Variants in ITGAD observed in about 807,000 individuals in gnomAD.
ITGAD encodes integrin subunit alpha D, also known as integrin alpha-D.
In ITGAD, 105 loss-of-function variants were observed where a neutral mutation model predicts 139.0. The observed-to-expected ratio is 0.76, with a 90% CI of 0.65 to 0.89. The LOEUF is 0.89. Among genes scored for constraint, ITGAD ranks in the 40% least tolerant of loss-of-function variants. The pLI is 0.00. For synonymous variants in ITGAD, 569 were observed against 598.3 expected, an observed-to-expected ratio of 0.95 and a Z score of 0.71; for missense variants, 1,384 against 1,487.3, an observed-to-expected ratio of 0.93 and a Z score of 1.14.
intron 29 of ITGAD, 180 bp downstream of exon 29, chr16:31,424,757 C>T (rs1208143404): frequency 2.2e-6 from 1 of 459,066 alleles, no homozygotes; most frequent in African/African-American, 2.0e-5. Flanking sequence ...TGCACCATGC[C>T]CGGCTAGTTT....
At chr16:31,394,533 AAG>A (rs2081219296) in intron 2 of ITGAD, among the ~76,000 whole-genome samples, 192 bp downstream of exon 2, 1 of 152,134 alleles carries the variant, frequency 6.6e-6, no homozygotes, top group Non-Finnish European at 1.5e-5. Context: ...AACTCTAGAC[AAG>A]ACCCTACCTT....
intron 23 of ITGAD, among the ~76,000 whole-genome samples, chr16:31,421,143 C>A (rs1250479599): frequency 1.3e-5 from 2 of 152,106 alleles, no homozygotes; most frequent in Non-Finnish European, 1.5e-5. Flanking sequence ...CCTATTTTCA[C>A]CAACAAAGAC....
chr16:31,396,207 C>T (rs2472050), intron 2 of ITGAD, among the ~76,000 whole-genome samples: 28,161 of 152,196 alleles, frequency 0.19, 2,741 homozygotes, highest in South Asian at 0.4. Flanking sequence ...TGCAGTGGCT[C>T]ATGCCTATAA....
chr16:31,424,443 G>A, intron 28 of ITGAD, 24 bp from the exon 29 acceptor site: 1 of 1,584,800 alleles, frequency 6.3e-7, no homozygotes, highest in Non-Finnish European at 8.7e-7. Flanking sequence ...CATGAGGCCG[G>A]ATGCTCTCTG....
rs779318627 is a variant in ITGAD at position 31,423,828 on chromosome 16, C to G, written c.3046-17C>G. On this transcript the variant is annotated splice_polypyrimidine_tract_variant and intron_variant, in intron 26 of 29. Transcript: ENST00000389202. ...TCAGGGAAGAACCCCTCAGTTTCAC[C>G]CCTCTTCTGCCCCCAGGACTGCTCC... is the stretch of plus-strand genomic sequence containing the variant. 1 of 1,613,316 alleles carries G rather than the reference C, an allele frequency of 6.2e-7. No homozygotes were observed. Among genetic ancestry groups the G allele is most frequent in the Non-Finnish European group, 8.5e-7 (1 of 1,179,304 alleles).
At position 31,402,098 on chromosome 16, in the gene ITGAD, T is replaced by C. The variant is rs2081420718; in HGVS notation, c.428-17T>C. The C allele has an allele frequency of 6.2e-7, 1 of 1,610,960 alleles. No individual in the cohort carries two copies. Among genetic ancestry groups the C allele is most frequent in the African/African-American group, 1.3e-5 (1 of 74,870 alleles). ...GCCCCCGCAGTGCATCTCCGATTCC[T>C]CCCCATTCCCCCACAGAGTGTCCAC... On this transcript the variant is annotated splice_polypyrimidine_tract_variant and intron_variant, in intron 5 of 29. Coordinates refer to ENST00000389202, the MANE Select transcript of ITGAD (RefSeq NM_005353.3).
intron 14 of ITGAD, among the ~76,000 whole-genome samples, chr16:31,411,944 C>A (rs2081729337): frequency 6.6e-6 from 1 of 152,234 alleles, no homozygotes; most frequent in Admixed American, 6.5e-5. Context: ...GATGAATACA[C>A]AAATATATTA....
chr16:31,423,242 T>C (rs1409205830), intron 24 of ITGAD, 50 bp downstream of exon 24: 3 of 1,597,582 alleles, frequency 1.9e-6, no homozygotes, highest in African/African-American at 1.3e-5. Flanking sequence ...GTGGATAAAG[T>C]TGGAAGTTGG....
In ITGAD at chr16:31,418,557, A is replaced by T. The variant is rs1597156230; in HGVS notation, c.2773A>T (p.Ile925Phe). 1 of 1,613,914 alleles carries T rather than the reference A, an allele frequency of 6.2e-7. No individual in the cohort carries two copies. Among genetic ancestry groups the T allele is most frequent in the Admixed American group, 1.7e-5 (1 of 60,018 alleles). ...LPVKYAVYTMISRQEESTKYF... is the reference protein window; with the variant it reads ...LPVKYAVYTMFSRQEESTKYF... ...GGTGAAGTATGCAGTCTACACCATGATCAGCAGGTGCCCAGTCCCTGGCCT... is the reference window on the plus strand; with the variant it reads ...GGTGAAGTATGCAGTCTACACCATGTTCAGCAGGTGCCCAGTCCCTGGCCT... Residue 925 changes from isoleucine (I) to phenylalanine (F), a missense_variant, in exon 23 of 30, where the codon ATC becomes TTC. Transcript: ENST00000389202.
chr16:31,413,737 C>G (rs1266813211), intron 16 of ITGAD, among the ~76,000 whole-genome samples: 1 of 152,202 alleles, frequency 6.6e-6, no homozygotes, highest in Non-Finnish European at 1.5e-5. Context: ...CCTTACTAGG[C>G]ACGCTTTTCG....
chr16:31,423,329 C>T (rs1376682348), intron 24 of ITGAD, 23 bp from the exon 25 acceptor site: 2 of 1,608,064 alleles, frequency 1.2e-6, no homozygotes, highest in Non-Finnish European at 1.7e-6. Flanking sequence ...ACCACAATAA[C>T]ACTCTGCCTT....
At chr16:31,417,661 T>A (rs1321155222) in intron 20 of ITGAD, among the ~76,000 whole-genome samples, 1 of 152,184 alleles carries the variant, frequency 6.6e-6, no homozygotes, top group Non-Finnish European at 1.5e-5. Context: ...AAGTCTGTCC[T>A]TGGCCGGGTG....
chr16:31,404,936 C>T (rs1182183170), intron 7 of ITGAD, among the ~76,000 whole-genome samples: 1 of 151,404 alleles, frequency 6.6e-6, no homozygotes, highest in African/African-American at 2.4e-5. Flanking sequence ...GAGTCTTGCT[C>T]TGTTGCTCAG....
chr16:31,408,329 TG>T, intron 9 of ITGAD, 95 bp from the exon 10 acceptor site: 1 of 1,081,370 alleles, frequency 9.2e-7, no homozygotes, highest in Non-Finnish European at 1.4e-6. Flanking sequence ...AATTGCTGTC[TG>T]GAACCCAAGC....
At chr16:31,419,812 CA>C (rs1202333629) in intron 23 of ITGAD, among the ~76,000 whole-genome samples, 2,850 of 58,260 alleles carry the variant, frequency 0.049, 18 homozygotes, top group Middle Eastern at 0.075. Context: ...GGCTCTGTCT[CA>C]AAAAAAAAAA....
chr16:31,411,749 G>C (rs750029147), intron 14 of ITGAD, among the ~76,000 whole-genome samples: 1 of 152,246 alleles, frequency 6.6e-6, no homozygotes, highest in Non-Finnish European at 1.5e-5. Flanking sequence ...ATCCCTGGCC[G>C]GGCCGGCCAT....
Position 31,411,129 on chromosome 16 carries a change from C to G in ITGAD, c.1410C>G (p.Gly470=). The part of the protein sequence containing the change: ...SLCSVDVDSD[G]STDLILIGAP... ...GCTCTGTGGATGTGGACAGCGATGG[C>G]AGCACCGACCTGATCCTCATTGGGG... Residue 470 remains glycine, a synonymous_variant, in exon 13 of 30, where the codon GGC becomes GGG. Coordinates refer to ENST00000389202, the MANE Select transcript of ITGAD (RefSeq NM_005353.3). The G allele has an allele frequency of 6.2e-7, 1 of 1,613,360 alleles. No individual in the cohort carries two copies. Among genetic ancestry groups the G allele is most frequent in the Non-Finnish European group, 8.5e-7 (1 of 1,179,798 alleles).
In ITGAD at chr16:31,413,217, C is replaced by T. The variant is rs1191774508; in HGVS notation, c.1967C>T (p.Thr656Ile). Residue 656 changes from threonine to isoleucine, a missense_variant, in exon 16 of 30, where the codon ACC becomes ATC. By Grantham distance (89) the Thr-to-Ile change is moderately conservative. Coordinates refer to ENST00000389202, the MANE Select transcript of ITGAD (RefSeq NM_005353.3). Reference sequence around the variant, plus strand: ...GCTGGGGACGCCACCGTCTGTCTCACCATCCAGAAAAGCTCACTGGACCAG... The same window carrying T: ...GCTGGGGACGCCACCGTCTGTCTCATCATCCAGAAAAGCTCACTGGACCAG... Reference protein sequence around the residue: ...LEAGDATVCLTIQKSSLDQLG... With the variant: ...LEAGDATVCLIIQKSSLDQLG... The T allele has an allele frequency of 6.2e-7, 1 of 1,614,142 alleles. No homozygotes were observed. The highest frequency in any genetic ancestry group is 1.3e-5 in the African/African-American group (1 of 75,022).
intron 9 of ITGAD, among the ~76,000 whole-genome samples, chr16:31,408,192 G>A (rs909077811): frequency 1.3e-5 from 2 of 152,132 alleles, no homozygotes; most frequent in East Asian, 3.9e-4. Flanking sequence ...GGCTGATCTC[G>A]AACTCCTGAC....
Sources: allele counts gnomAD v4.1 joint callset (sites outside exome capture counted in the v4.1 genomes callset), GRCh38; gene constraint gnomAD v4.1.1; transcripts MANE v1.5; gene names NCBI Gene and HGNC (gene_info 2026-07-23, HGNC 2026-07-21).